PCDHA10: variants seen among roughly 807,000 people sequenced by gnomAD.
PCDHA10 encodes the protein protocadherin alpha 10.
A neutral mutation model predicts 61.2 loss-of-function variants in PCDHA10; 45 were observed. The ratio of observed to expected loss-of-function variants is 0.74; its 90% CI spans 0.58 to 0.94. PCDHA10 has a LOEUF of 0.94. PCDHA10 is among the 40% of genes least tolerant of loss of function. The pLI, the probability that PCDHA10 is intolerant of heterozygous loss-of-function variation, is 0.00. For missense variants in PCDHA10, 1,278 were observed against 1,236.2 expected, an observed-to-expected ratio of 1.03 and a Z score of -0.51; for synonymous variants, 602 against 548.8, an observed-to-expected ratio of 1.10 and a Z score of -1.35.
chr5:141,010,058 C>T lies in PCDHA10; in HGVS notation c.*121C>T. On this transcript the variant is annotated 3_prime_UTR_variant, in exon 4 of 4. Transcript: ENST00000307360. Reference sequence around the variant, plus strand: ...GAGCCCTCTTAGAGACCTCAGAAATCTGCAGAAAGTTCCCTGTGTCTGTCT... The same window carrying T: ...GAGCCCTCTTAGAGACCTCAGAAATTTGCAGAAAGTTCCCTGTGTCTGTCT... 6.2e-7 allele frequency: 1 copy of T among 1,601,100 alleles called. No homozygotes were observed. Among genetic ancestry groups the T allele is most frequent in the Non-Finnish European group, 8.5e-7 (1 of 1,173,728 alleles).
At chr5:140,934,528 G>C (rs782284913) in intron 1 of PCDHA10, among the ~76,000 whole-genome samples, 1 of 152,116 alleles carries the variant, frequency 6.6e-6, no homozygotes, top group African/African-American at 2.4e-5. Flanking sequence ...CACTTCGAGA[G>C]CTACCGTTCT....
intron 1 of PCDHA10, chr5:140,871,263 G>C: frequency 6.2e-7 from 1 of 1,614,010 alleles, no homozygotes; most frequent in Non-Finnish European, 8.5e-7. Context: ...ATACGGCGCT[G>C]TGGTGGTCGG....
At chr5:140,975,933 AG>A (rs1216240117) in intron 1 of PCDHA10, among the ~76,000 whole-genome samples, 1 of 152,194 alleles carries the variant, frequency 6.6e-6, no homozygotes, top group Non-Finnish European at 1.5e-5. Flanking sequence ...TAACCTTTGA[AG>A]CAATAGGACA....
intron 1 of PCDHA10, among the ~76,000 whole-genome samples, chr5:140,892,332 T>A (rs552266223): frequency 6.6e-6 from 1 of 152,274 alleles, no homozygotes; most frequent in African/African-American, 2.4e-5. Context: ...TTCTCCAGAA[T>A]GGATTTTAAT....
rs545349225 is a variant in PCDHA10, at chr5:140,969,608, C to T, written c.2389-9341C>T. On this transcript the variant is annotated intron_variant, in intron 1 of 3. Coordinates refer to ENST00000307360, the MANE Select transcript of PCDHA10 (RefSeq NM_018901.4). ...AGTCTTAATATTTAATGCTAAAACA[C>T]AGATTTGTAGAGAAACAGGACAGGC... 646 of 747,324 alleles carry T rather than the reference C, an allele frequency of 8.6e-4. 1 individual carries two copies. Among genetic ancestry groups the T allele is most frequent in the Middle Eastern group, 3.2e-3 (8 of 2,532 alleles). The allele number at this position is 747,324 out of a possible 1,614,324, so 46.3% of individuals were successfully genotyped here. A position where few individuals can be genotyped will look rare whatever the true frequency, so the allele number is the denominator to read the frequency against.
chr5:140,970,647 T>C lies in PCDHA10; in HGVS notation c.2389-8302T>C, dbSNP rs529255517. Among the ~76,000 whole-genome samples, 9 of 152,352 alleles carry C rather than the reference T, an allele frequency of 5.9e-5. No homozygotes were observed. The South Asian group carries it at 1.9e-3, about 32-fold the overall frequency. On this transcript the variant is annotated intron_variant, in intron 1 of 3. Coordinates refer to ENST00000307360, the MANE Select transcript of PCDHA10 (RefSeq NM_018901.4). ...CAAAATTTTGTACCATAAATAGTGA[T>C]GAATTGTTATCTTTCCAAATAACTA...
intron 1 of PCDHA10, chr5:140,867,240 G>C (rs538392641): frequency 6.6e-6 from 1 of 152,186 alleles, no homozygotes; most frequent in African/African-American, 2.4e-5. Context: ...TAAGGTGATT[G>C]AGGATCTGTT....
At chr5:140,882,884 C>T (rs782007101) in intron 1 of PCDHA10, 3 of 1,614,184 alleles carry the variant, frequency 1.9e-6, no homozygotes, top group Middle Eastern at 3.3e-4. Context: ...AGAGGAAATT[C>T]AGGAACATAG....
intron 3 of PCDHA10, among the ~76,000 whole-genome samples, chr5:141,000,395 CTATATATATA>C (rs1190667031): frequency 1.9e-5 from 1 of 53,986 alleles, no homozygotes; most frequent in Non-Finnish European, 3.2e-5. Context: ...CTCTCTCTCT[CTATATATATA>C]TATATATATA....
At chr5:140,862,887 G>A (rs781965401) in intron 1 of PCDHA10, 8 of 562,884 alleles carry the variant, frequency 1.4e-5, no homozygotes, top group Non-Finnish European at 2.7e-5. Flanking sequence ...GTGCTGGAAC[G>A]ACAACTTTGT....
chr5:140,908,455 A>G (rs1425485479), intron 1 of PCDHA10, among the ~76,000 whole-genome samples: 7 of 152,178 alleles, frequency 4.6e-5, no homozygotes, highest in South Asian at 4.1e-4. Flanking sequence ...GGCTAGATGG[A>G]TCAGAAAGCA....
chr5:140,993,509 C>CAT (rs1488940144), intron 3 of PCDHA10, among the ~76,000 whole-genome samples: 3 of 143,600 alleles, frequency 2.1e-5, no homozygotes, highest in African/African-American at 7.8e-5. Flanking sequence ...CACACACACA[C>CAT]GGGGAGAGAG....
intron 1 of PCDHA10, among the ~76,000 whole-genome samples, chr5:140,900,791 T>A (rs2068293056): frequency 6.6e-6 from 1 of 152,200 alleles, no homozygotes; most frequent in African/African-American, 2.4e-5. Flanking sequence ...TCCAAACTGT[T>A]CTCCATAGTG....
intron 3 of PCDHA10, among the ~76,000 whole-genome samples, chr5:141,002,672 C>A (rs1301536253): frequency 6.6e-6 from 1 of 152,292 alleles, no homozygotes; most frequent in African/African-American, 2.4e-5. Context: ...AGGACCAAAA[C>A]CTATACGACG....
intron 1 of PCDHA10, among the ~76,000 whole-genome samples, chr5:140,923,350 A>G (rs2081329332): frequency 6.6e-6 from 1 of 152,092 alleles, no homozygotes; most frequent in Non-Finnish European, 1.5e-5. Flanking sequence ...ACATAGTGGG[A>G]CCCTATCTTT....
At chr5:140,925,740 G>T (rs1008956010) in intron 1 of PCDHA10, among the ~76,000 whole-genome samples, 19 of 151,764 alleles carry the variant, frequency 1.3e-4, no homozygotes, top group African/African-American at 4.6e-4. Flanking sequence ...AATATTTACA[G>T]AAAGAAAATT....
intron 1 of PCDHA10, among the ~76,000 whole-genome samples, chr5:140,904,217 T>C (rs1554191375): frequency 6.6e-6 from 1 of 151,964 alleles, no homozygotes; most frequent in Non-Finnish European, 1.5e-5. Flanking sequence ...CCAAAGTCCA[T>C]TGTATTATAC....
Position 140,858,380 on chromosome 5 carries a change from C to G in PCDHA10, c.2332C>G (p.Pro778Ala). 1 of 1,583,962 alleles carries G rather than the reference C, an allele frequency of 6.3e-7. No individual in the cohort carries two copies. Among genetic ancestry groups the G allele is most frequent in the South Asian group, 1.1e-5 (1 of 89,566 alleles). ...CTTCAGCCCCAGCCTTCCACCATGC[C>G]CAATGGTAGATGTGGACGGGGAAGA... ...MAFSPSLPPC[P>A]MVDVDGEDQS... The change falls in exon 1 of 4, where the codon CCA (proline) becomes GCA (alanine). Residue 778 changes from proline to alanine, a missense_variant. Physicochemically the swap from Pro to Ala is conservative, Grantham distance 27 (BLOSUM62 -1). Coordinates refer to ENST00000307360, the MANE Select transcript of PCDHA10 (RefSeq NM_018901.4).
intron 3 of PCDHA10, among the ~76,000 whole-genome samples, chr5:140,996,816 A>G (rs1587722851): frequency 6.6e-6 from 1 of 152,264 alleles, no homozygotes; most frequent in Non-Finnish European, 1.5e-5. Flanking sequence ...TTCCAAAAGT[A>G]ACCACTACCA....
Sources: gnomAD v4.1 joint callset for allele counts (sites outside exome capture counted in the v4.1 genomes callset) on GRCh38, gnomAD v4.1.1 for gene constraint, MANE v1.5 for transcripts, NCBI Gene and HGNC (gene_info 2026-07-23, HGNC 2026-07-21) for gene names.